The following SMCHD1 variants were observed in gnomAD, a reference collection of about 807,000 sequenced individuals.
SMCHD1 encodes the protein structural maintenance of chromosomes flexible hinge domain-containing protein 1.
A neutral mutation model predicts 254.7 loss-of-function variants in SMCHD1; 78 were observed. The observed-to-expected ratio is 0.31, with a 90% CI of 0.26 to 0.37. The LOEUF (loss-of-function observed/expected upper bound fraction) is 0.37, where lower values mean the gene tolerates loss of function less well. Ranked by LOEUF, SMCHD1 falls within the 10% of genes least tolerant of loss-of-function variation. SMCHD1 has a pLI of 1.00. For missense variants in SMCHD1, 1,840 were observed against 2,408.1 expected, an observed-to-expected ratio of 0.76 and a Z score of 4.94; for synonymous variants, 766 against 794.9, an observed-to-expected ratio of 0.96 and a Z score of 0.61.
rs1568200656 is a variant in SMCHD1, at chr18:2,709,250, A to G, written c.2260+1330A>G. 5.1e-5 allele frequency among the ~76,000 whole-genome samples: 2 copies of G among 39,318 alleles called. 1 individual carries two copies. Among genetic ancestry groups the G allele is most frequent in the African/African-American group, 1.3e-4 (2 of 15,796 alleles). The allele number at this position is 39,318 out of a possible 152,430, so 25.8% of individuals were successfully genotyped here. On this transcript the variant is annotated intron_variant, in intron 17 of 47. Transcript: ENST00000320876. ...TATATGTGTATATATATATATATAT[A>G]CACACACACATGTATACACATACAC...
intron 32 of SMCHD1, 118 bp downstream of exon 32, chr18:2,750,625 A>G (rs2075553645): frequency 7.0e-6 from 5 of 716,526 alleles, no homozygotes; most frequent in Non-Finnish European, 1.1e-5. Context: ...CAGGGAAGCA[A>G]ATGATTTCAA....
At position 2,724,885 on chromosome 18, in the gene SMCHD1, T is replaced by A. The variant is rs1199638838; in HGVS notation, c.2604-14T>A. The A allele has an allele frequency of 3.3e-6, 5 of 1,492,894 alleles. No individual in the cohort carries two copies. Among genetic ancestry groups the A allele is most frequent in the Admixed American group, 2.0e-5 (1 of 50,968 alleles). 92.5% of individuals were successfully genotyped at this position (1,492,894 alleles called of 1,614,324 possible). On this transcript the variant is annotated splice_polypyrimidine_tract_variant and intron_variant, in intron 20 of 47. Coordinates refer to ENST00000320876, the MANE Select transcript of SMCHD1 (RefSeq NM_015295.3). ...GCAATTGAGGGGAGTTAAAAAATAA[T>A]TTTTTTTCCCCAGTGGTTTATCTTT... is the stretch of plus-strand genomic sequence containing the variant.
At chr18:2,796,360 ATTG>A in intron 46 of SMCHD1, 44 bp from the exon 47 acceptor site, 1 of 1,198,442 alleles carries the variant, frequency 8.3e-7, no homozygotes, top group Non-Finnish European at 1.2e-6. Context: ...CTCTAATTCC[ATTG>A]TTTTTATTGT....
chr18:2,690,962 A>G (rs1287819544), intron 7 of SMCHD1, among the ~76,000 whole-genome samples: 4 of 150,426 alleles, frequency 2.7e-5, no homozygotes, highest in African/African-American at 1.0e-4. Flanking sequence ...ATAATTGAAA[A>G]AAAAAAAAAA....
chr18:2,697,837 A>C lies in SMCHD1; in HGVS notation c.1138A>C (p.Met380Leu). 3.8e-6 allele frequency: 6 copies of C among 1,599,438 alleles called. No individual in the cohort carries two copies. The highest frequency in any genetic ancestry group is 5.1e-6 in the Non-Finnish European group (6 of 1,168,738). ...TGTTTCCTTTTTATTTTAGATTTCTATGTTTGAAAAAGGGAAGGTACCTAA... is the reference window on the plus strand; with the variant it reads ...TGTTTCCTTTTTATTTTAGATTTCTCTGTTTGAAAAAGGGAAGGTACCTAA... ...PFNNIDIEIS[M>L]FEKGKVPKIV... The change falls in exon 10 of 48, where the codon ATG becomes CTG. Residue 380 changes from methionine to leucine, a missense_variant. Physicochemically the swap from Met to Leu is conservative, Grantham distance 15. Around this residue, in one of 9 missense-constraint regions of SMCHD1, gnomAD observed 498 missense variants for 743.5 expected, o/e 0.67. Coordinates refer to ENST00000320876, the MANE Select transcript of SMCHD1 (RefSeq NM_015295.3).
chr18:2,738,300 A>G, intron 25 of SMCHD1, 97 bp from the exon 26 acceptor site: 1 of 1,141,104 alleles, frequency 8.8e-7, no homozygotes, highest in South Asian at 1.9e-5. Context: ...GGGGGTGAAG[A>G]AGACGGATTA....
At chr18:2,730,161 AT>A (rs988527813) in intron 24 of SMCHD1, among the ~76,000 whole-genome samples, 2 of 151,656 alleles carry the variant, frequency 1.3e-5, no homozygotes, top group African/African-American at 2.4e-5. Flanking sequence ...ACACAAAGGG[AT>A]TTTTTTTATT....
chr18:2,658,942 A>G (rs1049535504), intron 1 of SMCHD1, among the ~76,000 whole-genome samples: 1 of 144,836 alleles, frequency 6.9e-6, no homozygotes, highest in African/African-American at 2.5e-5. Context: ...ATACACATAT[A>G]TATACACACA....
intron 37 of SMCHD1, among the ~76,000 whole-genome samples, chr18:2,767,584 C>CTTTTTTTT (rs397858216): frequency 1.3e-4 from 12 of 89,252 alleles, no homozygotes; most frequent in African/African-American, 1.8e-4. Context: ...AACCTATTTC[C>CTTTTTTTT]TTTTTTTTTT....
intron 3 of SMCHD1, among the ~76,000 whole-genome samples, chr18:2,669,056 A>AG (rs1057423339): frequency 5.9e-5 from 9 of 151,912 alleles, no homozygotes; most frequent in African/African-American, 2.2e-4. Flanking sequence ...AAAAAAAAAA[A>AG]AAATTGTAGC....
chr18:2,760,906 A>G (rs1436067222), intron 35 of SMCHD1, among the ~76,000 whole-genome samples, 167 bp downstream of exon 35: 1 of 152,196 alleles, frequency 6.6e-6, no homozygotes, highest in Non-Finnish European at 1.5e-5. Context: ...AAATAATTCA[A>G]TTTTCAGGAA....
At chr18:2,720,280 T>C (rs886688988) in intron 19 of SMCHD1, among the ~76,000 whole-genome samples, 2 of 152,216 alleles carry the variant, frequency 1.3e-5, no homozygotes, top group Admixed American at 1.3e-4. Context: ...TTCTATTTTT[T>C]CCTTTTTGCT....
chr18:2,756,938 G>A (rs564067801), intron 34 of SMCHD1, among the ~76,000 whole-genome samples: 3 of 152,140 alleles, frequency 2.0e-5, no homozygotes, highest in Non-Finnish European at 4.4e-5. Context: ...ATCGTAGTAA[G>A]AGATTTCAAT....
intron 47 of SMCHD1, chr18:2,800,626 C>T (rs2076344362): frequency 6.6e-6 from 1 of 152,162 alleles, no homozygotes; most frequent in Admixed American, 6.5e-5. Flanking sequence ...GCCTGAGTCA[C>T]CATGCTCGGC....
chr18:2,770,701 C>G (rs1039777427), intron 39 of SMCHD1, among the ~76,000 whole-genome samples: 15 of 151,960 alleles, frequency 9.9e-5, no homozygotes, highest in African/African-American at 3.6e-4. Flanking sequence ...ACTCACTGCA[C>G]CCTCTGCCTC....
At chr18:2,695,808 A>T (rs2074274465) in intron 8 of SMCHD1, among the ~76,000 whole-genome samples, 1 of 152,190 alleles carries the variant, frequency 6.6e-6, no homozygotes, top group Non-Finnish European at 1.5e-5. Context: ...ATACGCTAAG[A>T]GAATTTTAAA....
At chr18:2,708,614 C>G (rs1232986205) in intron 17 of SMCHD1, among the ~76,000 whole-genome samples, 1 of 24,908 alleles carries the variant, frequency 4.0e-5, no homozygotes, top group East Asian at 2.1e-3. Context: ...CATGACCTTC[C>G]TGCTTTTTTT....
At position 2,700,905 on chromosome 18, in the gene SMCHD1, T is replaced by C; in HGVS notation, c.1634T>C (p.Ile545Thr). ...LKDKNTLFTR[I>T]LNGQEQRMKI... Reference sequence around the variant, plus strand: ...GATAAGAACACCCTTTTTACAAGGATTTTAAATGGACAGGTATGATTTTTA... The same window carrying C: ...GATAAGAACACCCTTTTTACAAGGACTTTAAATGGACAGGTATGATTTTTA... Residue 545 changes from isoleucine (I) to threonine (T), a missense_variant, in exon 12 of 48, where the codon ATT becomes ACT. Ile to Thr is a moderately conservative substitution (Grantham distance 89, BLOSUM62 -1). Coordinates refer to ENST00000320876, the MANE Select transcript of SMCHD1 (RefSeq NM_015295.3). 2 of 1,593,838 alleles carry C rather than the reference T, an allele frequency of 1.3e-6. No homozygotes were observed. Among genetic ancestry groups the C allele is most frequent in the Non-Finnish European group, 1.7e-6 (2 of 1,170,294 alleles).
At chr18:2,737,392 A>C (rs1214318745) in intron 25 of SMCHD1, among the ~76,000 whole-genome samples, 1 of 151,874 alleles carries the variant, frequency 6.6e-6, no homozygotes, top group Non-Finnish European at 1.5e-5. Flanking sequence ...AGGAAAAATA[A>C]AGTGTAATTT....
Sources: gnomAD v4.1 joint callset for allele counts (sites outside exome capture counted in the v4.1 genomes callset) on GRCh38, gnomAD v4.1.1 for gene constraint, gnomAD v4.1.1 regional missense constraint, MANE v1.5 for transcripts, NCBI Gene and HGNC (gene_info 2026-07-23, HGNC 2026-07-21) for gene names.